Variants in PTPRK observed in about 807,000 individuals in gnomAD.
The protein encoded by PTPRK is receptor-type tyrosine-protein phosphatase kappa.
PTPRK carries 75 observed loss-of-function variants against 178.0 expected under a neutral mutation model. The ratio of observed to expected loss-of-function variants is 0.42; its 90% CI spans 0.35 to 0.51. PTPRK has a LOEUF of 0.51. Ranked by LOEUF, PTPRK falls within the 20% of genes least tolerant of loss-of-function variation. PTPRK has a pLI of 0.02. For missense variants in PTPRK, 1,441 were observed against 1,797.8 expected, an observed-to-expected ratio of 0.80 and a Z score of 3.59; for synonymous variants, 637 against 620.6, an observed-to-expected ratio of 1.03 and a Z score of -0.39.
intron 13 of PTPRK, among the ~76,000 whole-genome samples, chr6:128,044,471 T>G (rs570889470): frequency 6.6e-6 from 1 of 152,052 alleles, no homozygotes; most frequent in South Asian, 2.1e-4. Context: ...ATTCCCTGTT[T>G]ATATGCTCCA....
At chr6:128,331,821 T>C (rs1261382181) in intron 2 of PTPRK, among the ~76,000 whole-genome samples, 2 of 152,206 alleles carry the variant, frequency 1.3e-5, no homozygotes, top group African/African-American at 4.8e-5. Flanking sequence ...AACTTTAGTA[T>C]CCGTGACATG....
At chr6:128,274,006 T>C (rs1324629471) in intron 3 of PTPRK, among the ~76,000 whole-genome samples, 1 of 152,154 alleles carries the variant, frequency 6.6e-6, no homozygotes, top group Admixed American at 6.5e-5. Context: ...TTTATTAATA[T>C]GGTAAGAGTG....
At chr6:128,289,652 TA>T (rs1823054167) in intron 3 of PTPRK, among the ~76,000 whole-genome samples, 1 of 152,144 alleles carries the variant, frequency 6.6e-6, no homozygotes, top group African/African-American at 2.4e-5. Context: ...TTCCTCCTTT[TA>T]AAGTCTTAGC....
intron 1 of PTPRK, among the ~76,000 whole-genome samples, chr6:128,468,427 G>A (rs1850176956): frequency 6.7e-6 from 1 of 149,080 alleles, no homozygotes; most frequent in Non-Finnish European, 1.5e-5. Flanking sequence ...TCATTTAAGA[G>A]CCTGACAATA....
At chr6:128,278,248 C>T (rs1164702251) in intron 3 of PTPRK, among the ~76,000 whole-genome samples, 1 of 151,978 alleles carries the variant, frequency 6.6e-6, no homozygotes, top group Non-Finnish European at 1.5e-5. Flanking sequence ...CCTCCGCTTC[C>T]TGGGTTCATG....
intron 3 of PTPRK, among the ~76,000 whole-genome samples, chr6:128,248,485 G>A (rs933462072): frequency 6.6e-6 from 1 of 152,134 alleles, no homozygotes; most frequent in East Asian, 1.9e-4. Flanking sequence ...ATATATTTAA[G>A]TATATAGAAC....
chr6:128,016,897 A>T (rs1446774906), intron 13 of PTPRK, among the ~76,000 whole-genome samples: 1 of 151,994 alleles, frequency 6.6e-6, no homozygotes, highest in Non-Finnish European at 1.5e-5. Context: ...CGTTAAGTAC[A>T]TGAGTCACTT....
At chr6:128,447,106 GA>G (rs1562539691) in intron 1 of PTPRK, among the ~76,000 whole-genome samples, 2 of 151,926 alleles carry the variant, frequency 1.3e-5, no homozygotes, top group South Asian at 4.1e-4. Flanking sequence ...CCACTTTAAT[GA>G]AAAAAAGATA....
At chr6:128,231,124 T>C (rs887300750) in intron 5 of PTPRK, among the ~76,000 whole-genome samples, 1 of 152,142 alleles carries the variant, frequency 6.6e-6, no homozygotes, top group African/African-American at 2.4e-5. Flanking sequence ...ATATCCAAAA[T>C]GCCAGAAAGC....
intron 13 of PTPRK, among the ~76,000 whole-genome samples, chr6:128,060,357 C>A (rs1582788677): frequency 6.6e-6 from 1 of 152,260 alleles, no homozygotes; most frequent in South Asian, 2.1e-4. Context: ...AAACATGGTA[C>A]ATTCTTATGC....
chr6:128,054,145 T>C (rs1349062308), intron 13 of PTPRK, among the ~76,000 whole-genome samples: 1 of 152,228 alleles, frequency 6.6e-6, no homozygotes, highest in African/African-American at 2.4e-5. Context: ...TTTCCCTGCA[T>C]TGATATGAAT....
chr6:128,155,526 A>G (rs1226028011), intron 7 of PTPRK, among the ~76,000 whole-genome samples: 2 of 151,644 alleles, frequency 1.3e-5, no homozygotes, highest in African/African-American at 2.4e-5. Context: ...TATCATCCAA[A>G]GATTATCAGC....
intron 3 of PTPRK, among the ~76,000 whole-genome samples, chr6:128,313,645 C>T (rs531088142): frequency 6.6e-6 from 1 of 152,148 alleles, no homozygotes; most frequent in African/African-American, 2.4e-5. Flanking sequence ...GGCTAAATGA[C>T]GAAGGACCTC....
intron 13 of PTPRK, among the ~76,000 whole-genome samples, chr6:128,055,597 G>A (rs1477157393): frequency 6.6e-6 from 1 of 151,006 alleles, no homozygotes; most frequent in African/African-American, 2.4e-5. Flanking sequence ...ATTGTTTTTT[G>A]TTTTGTTTTG....
chr6:128,466,866 T>C (rs930370082), intron 1 of PTPRK, among the ~76,000 whole-genome samples: 3 of 152,226 alleles, frequency 2.0e-5, no homozygotes, highest in African/African-American at 7.2e-5. Flanking sequence ...AATAAACCCT[T>C]AAAAAATATC....
At chr6:128,103,261 T>C (rs1470758192) in intron 7 of PTPRK, among the ~76,000 whole-genome samples, 1 of 152,004 alleles carries the variant, frequency 6.6e-6, no homozygotes, top group Non-Finnish European at 1.5e-5. Context: ...CGGGTCCCCA[T>C]ACATCCCGCT....
chr6:128,121,916 T>C (rs1792531086), intron 7 of PTPRK, among the ~76,000 whole-genome samples: 1 of 152,152 alleles, frequency 6.6e-6, no homozygotes, highest in African/African-American at 2.4e-5. Context: ...ATAGAATTTT[T>C]ACTGATTTGT....
chr6:128,107,335 G>C (rs1562595659), intron 7 of PTPRK, among the ~76,000 whole-genome samples: 1 of 151,866 alleles, frequency 6.6e-6, no homozygotes, highest in Non-Finnish European at 1.5e-5. Flanking sequence ...TCTTTTACAT[G>C]CTTTGAGAAC....
intron 2 of PTPRK, among the ~76,000 whole-genome samples, chr6:128,359,490 G>A (rs1834424722): frequency 6.6e-6 from 1 of 151,942 alleles, no homozygotes; most frequent in African/African-American, 2.4e-5. Flanking sequence ...AGTGGCTCAC[G>A]CCTGTAATCC....
Sources: gnomAD v4.1 joint callset for allele counts (sites outside exome capture counted in the v4.1 genomes callset) on GRCh38, gnomAD v4.1.1 for gene constraint, MANE v1.5 for transcripts, NCBI Gene and HGNC (gene_info 2026-07-23, HGNC 2026-07-21) for gene names.